Variants in RERE observed in about 807,000 individuals in gnomAD.
The protein encoded by RERE is arginine-glutamic acid dipeptide repeats protein.
Under a neutral mutation model 146.1 loss-of-function variants are expected in RERE, and 40 were observed. That is an observed-to-expected ratio of 0.27 (90% CI 0.21 to 0.36). RERE has a LOEUF of 0.36. Among genes scored for constraint, RERE ranks in the 10% least tolerant of loss-of-function variants. The pLI, the probability that RERE is intolerant of heterozygous loss-of-function variation, is 1.00. For synonymous variants in RERE, 1,003 were observed against 866.0 expected, an observed-to-expected ratio of 1.16 and a Z score of -2.78; for missense variants, 1,933 against 2,138.7, an observed-to-expected ratio of 0.90 and a Z score of 1.90.
chr1:8,575,558 T>C (rs1646283009), intron 4 of RERE, among the ~76,000 whole-genome samples: 1 of 63,962 alleles, frequency 1.6e-5, no homozygotes, highest in East Asian at 2.8e-4. Context: ...TATATATATA[T>C]ATATTTTTTT....
intron 12 of RERE, among the ~76,000 whole-genome samples, chr1:8,373,952 C>T (rs17380817): frequency 0.071 from 10,821 of 152,282 alleles, 586 homozygotes; most frequent in Non-Finnish European, 0.1. Context: ...GTTAACCAAC[C>T]GAATCCTCTA....
At chr1:8,388,807 G>T (rs1642779208) in intron 12 of RERE, among the ~76,000 whole-genome samples, 2 of 152,156 alleles carry the variant, frequency 1.3e-5, no homozygotes, top group African/African-American at 4.8e-5. Flanking sequence ...AGATAATTTG[G>T]AAATGATATG....
chr1:8,682,094 G>C (rs1279613467), intron 1 of RERE, among the ~76,000 whole-genome samples: 2 of 152,098 alleles, frequency 1.3e-5, no homozygotes, highest in African/African-American at 4.8e-5. Flanking sequence ...TTTTGGCTAA[G>C]TGACAGATTT....
intron 12 of RERE, among the ~76,000 whole-genome samples, chr1:8,411,036 A>G (rs918733625): frequency 6.6e-6 from 1 of 152,232 alleles, no homozygotes; most frequent in Non-Finnish European, 1.5e-5. Context: ...GTATTTATAG[A>G]CATGCCTGGT....
chr1:8,534,845 G>C (rs1411909240), intron 7 of RERE, among the ~76,000 whole-genome samples: 7 of 152,202 alleles, frequency 4.6e-5, no homozygotes, highest in East Asian at 1.9e-4. Context: ...CCAGCAACTG[G>C]ACAAATAAGA....
intron 10 of RERE, among the ~76,000 whole-genome samples, chr1:8,493,695 G>A (rs1297614499): frequency 6.6e-6 from 1 of 151,866 alleles, no homozygotes; most frequent in African/African-American, 2.4e-5. Flanking sequence ...TCTAACTATA[G>A]TGACCTCTCA....
chr1:8,797,934 T>C (rs1402845784), intron 1 of RERE, among the ~76,000 whole-genome samples: 3 of 152,166 alleles, frequency 2.0e-5, no homozygotes, highest in Non-Finnish European at 2.9e-5. Flanking sequence ...TTACTACAAA[T>C]AATATGACAA....
intron 1 of RERE, among the ~76,000 whole-genome samples, chr1:8,731,290 TC>T (rs138481889): frequency 6.6e-6 from 1 of 152,260 alleles, no homozygotes; most frequent in East Asian, 1.9e-4. Context: ...AAAAATCCCC[TC>T]GTATTTTAGG....
chr1:8,775,530 G>C (rs1641048058), intron 1 of RERE, among the ~76,000 whole-genome samples: 1 of 152,130 alleles, frequency 6.6e-6, no homozygotes, highest in South Asian at 2.1e-4. Flanking sequence ...GCTGCAGTGA[G>C]CTACAATCAC....
In RERE at chr1:8,541,273, T is replaced by C; in HGVS notation, c.771A>G (p.Arg257=). Residue 257 remains arginine (R), a synonymous_variant, in exon 7 of 23, where the codon AGA becomes AGG. Transcript: ENST00000400908. ...ISHFSDIFAA[R]EFKARVDSFF... ...ATGAATCCACTCGGGCTTTAAACTC[T>C]CTAGCAGCAAATATGTCAGAAAAAT... The C allele has an allele frequency of 1.2e-6, 2 of 1,612,472 alleles. No homozygotes were observed. The highest frequency in any genetic ancestry group is 1.7e-6 in the Non-Finnish European group (2 of 1,178,754).
At chr1:8,366,345 C>T (rs1471815420) in intron 12 of RERE, among the ~76,000 whole-genome samples, 1 of 152,242 alleles carries the variant, frequency 6.6e-6, no homozygotes, top group African/African-American at 2.4e-5. Flanking sequence ...TACATTCTAG[C>T]TGTGTGTGCA....
intron 8 of RERE, among the ~76,000 whole-genome samples, chr1:8,498,158 A>C (rs1309041509): frequency 6.6e-6 from 1 of 150,968 alleles, no homozygotes; most frequent in African/African-American, 2.4e-5. Context: ...CAGGAGTTCA[A>C]GACCAGCCTG....
intron 1 of RERE, among the ~76,000 whole-genome samples, chr1:8,745,564 T>C (rs1268373335): frequency 6.6e-6 from 1 of 152,170 alleles, no homozygotes; most frequent in Non-Finnish European, 1.5e-5. Context: ...CTGGCTAAAC[T>C]GCAAAAGGAG....
At position 8,356,201 on chromosome 1, in the gene RERE, C is replaced by A. The variant is rs898099028; in HGVS notation, c.4385G>T (p.Gly1462Val). 3.3e-6 allele frequency: 5 copies of A among 1,522,324 alleles called. No homozygotes were observed. Among genetic ancestry groups the A allele is most frequent in the Non-Finnish European group, 4.4e-6 (5 of 1,146,340 alleles). The allele number at this position is 1,522,324 out of a possible 1,614,324, so 94.3% of individuals were successfully genotyped here. A position where few individuals can be genotyped will look rare whatever the true frequency, so the allele number is the denominator to read the frequency against. The change falls in exon 21 of 23, where the codon GGT becomes GTT. Residue 1462 changes from glycine to valine, a missense_variant. Coordinates refer to ENST00000400908, the MANE Select transcript of RERE (RefSeq NM_001042681.2). This position sits in a 1 kb window ranked among gnomAD's most constrained non-coding sequence, Gnocchi z 5.2. ...GTAGGGGAAGCGAGCCAGGTGGGGA[C>A]CGGCAGTCAGGGGGTCGACCAGCGG... ...VHPLVDPLTAGPHLARFPYPP... is the reference protein window; with the variant it reads ...VHPLVDPLTAVPHLARFPYPP...
chr1:8,394,355 T>C (rs1305332778), intron 12 of RERE, among the ~76,000 whole-genome samples: 1 of 152,206 alleles, frequency 6.6e-6, no homozygotes, highest in Admixed American at 6.5e-5. Flanking sequence ...TTCTTGCTTT[T>C]CAGATTCTCA....
intron 1 of RERE, among the ~76,000 whole-genome samples, chr1:8,789,232 C>T: frequency 7.3e-6 from 1 of 137,036 alleles, no homozygotes; most frequent in Non-Finnish European, 1.5e-5. Flanking sequence ...GTTGCTTGAT[C>T]CCAGGAGTTC....
intron 1 of RERE, among the ~76,000 whole-genome samples, chr1:8,758,496 A>G (rs1308395740): frequency 1.3e-5 from 2 of 151,458 alleles, no homozygotes; most frequent in South Asian, 2.1e-4. Context: ...GGTGCAAGCA[A>G]TCCTCCTGCC....
rs70985503 is a variant in RERE at position 8,635,977 on chromosome 1, C to CTTATT, written c.326-11602_326-11598dup. 7.6e-3 allele frequency among the ~76,000 whole-genome samples: 1,038 copies of CTTATT among 136,786 alleles called. 7 individuals are homozygous for CTTATT. Among genetic ancestry groups the CTTATT allele is most frequent in the Middle Eastern group, 0.031 (8 of 256 alleles). 89.7% of individuals were successfully genotyped at this position (136,786 alleles called of 152,430 possible). On this transcript the variant is annotated intron_variant, in intron 2 of 22. Coordinates refer to ENST00000400908, the MANE Select transcript of RERE (RefSeq NM_001042681.2). ...CTTATCTTATCTTATCTTATCTTAT[C>CTTATT]TTATTTTATTTTATTTTATTTTATT...
At chr1:8,403,612 G>GGC (rs1424864878) in intron 12 of RERE, among the ~76,000 whole-genome samples, 1 of 149,952 alleles carries the variant, frequency 6.7e-6, no homozygotes, top group East Asian at 2.0e-4. Flanking sequence ...GTGATCCTCT[G>GGC]GCCTTGGCCT....
Sources: allele counts gnomAD v4.1 joint callset (sites outside exome capture counted in the v4.1 genomes callset), GRCh38; gene constraint gnomAD v4.1.1; non-coding constraint Gnocchi (gnomAD v3.1); transcripts MANE v1.5; gene names NCBI Gene and HGNC (gene_info 2026-07-23, HGNC 2026-07-21).